The following INPP5D variants were observed in gnomAD, a reference collection of about 807,000 sequenced individuals.
The protein encoded by INPP5D is phosphatidylinositol 3,4,5-trisphosphate 5-phosphatase 1.
Under a neutral mutation model 122.9 loss-of-function variants are expected in INPP5D, and 33 were observed. The ratio of observed to expected loss-of-function variants is 0.27; its 90% CI spans 0.20 to 0.36. The LOEUF (loss-of-function observed/expected upper bound fraction) is 0.36. Among genes scored for constraint, INPP5D ranks in the 10% least tolerant of loss-of-function variants. The probability of loss-of-function intolerance (pLI) is 1.00; values close to 1 mark genes in which losing one functional copy is unlikely to be tolerated. For missense variants in INPP5D, 1,053 were observed against 1,412.7 expected, an observed-to-expected ratio of 0.75 and a Z score of 4.08; for synonymous variants, 584 against 576.2, an observed-to-expected ratio of 1.01 and a Z score of -0.19.
chr2:233,130,107 C>T (rs890036885), intron 4 of INPP5D, among the ~76,000 whole-genome samples: 1 of 152,202 alleles, frequency 6.6e-6, no homozygotes, highest in Non-Finnish European at 1.5e-5. Context: ...TCCCCCCAGG[C>T]TGTTCTTGAA....
chr2:233,180,017 C>T (rs1280892835), intron 18 of INPP5D, among the ~76,000 whole-genome samples: 5 of 152,114 alleles, frequency 3.3e-5, no homozygotes, highest in Non-Finnish European at 7.4e-5. Context: ...GATCTGGGGT[C>T]GGCTGGCTGT....
In INPP5D at chr2:233,130,513, C is replaced by T. The variant is rs778985157; in HGVS notation, c.530C>T (p.Pro177Leu). Residue 177 changes from proline to leucine, a missense_variant, in exon 5 of 27, where the codon CCA becomes CTA. Pro to Leu is a moderately conservative substitution (Grantham distance 98). This residue lies in a region of INPP5D where 196 missense variants were observed against 175.6 expected (regional missense o/e 1.12). Coordinates refer to ENST00000445964, the MANE Select transcript of INPP5D (RefSeq NM_001017915.3). ...RLQSMDTSGLPEEHLKAIQDY... is the reference protein window; with the variant it reads ...RLQSMDTSGLLEEHLKAIQDY... ...TTCTTTTTTCTTTTCTTTAGGCTTCCAGAAGAGCATCTTAAGGCCATCCAA... is the reference window on the plus strand; with the variant it reads ...TTCTTTTTTCTTTTCTTTAGGCTTCTAGAAGAGCATCTTAAGGCCATCCAA... 7.4e-6 allele frequency: 12 copies of T among 1,613,422 alleles called. No homozygotes were observed. The highest frequency in any genetic ancestry group is 2.2e-5 in the South Asian group (2 of 90,966).
intron 9 of INPP5D, among the ~76,000 whole-genome samples, chr2:233,151,203 T>A (rs564723997): frequency 6.6e-6 from 1 of 152,108 alleles, no homozygotes; most frequent in South Asian, 2.1e-4. Context: ...ATGGGTGCAG[T>A]GGTACGCACC....
At chr2:233,073,927 T>A (rs1306081052) in intron 1 of INPP5D, among the ~76,000 whole-genome samples, 2 of 152,146 alleles carry the variant, frequency 1.3e-5, no homozygotes, top group Non-Finnish European at 2.9e-5. Flanking sequence ...TCACAATCAA[T>A]CCCTCCAATT....
chr2:233,169,480 G>A, intron 14 of INPP5D, 79 bp downstream of exon 14: 1 of 1,539,240 alleles, frequency 6.5e-7, no homozygotes, highest in East Asian at 2.5e-5. Context: ...AGCACCAGAA[G>A]GACCTGCTCA....
At position 233,129,930 on chromosome 2, in the gene INPP5D, C is replaced by G. The variant is rs562743698; in HGVS notation, c.525-578C>G. Among the ~76,000 whole-genome samples, 42 of 151,830 alleles carry G rather than the reference C, an allele frequency of 2.8e-4. 1 individual carries two copies. The highest frequency in any genetic ancestry group is 9.9e-4 in the African/African-American group (41 of 41,426). On this transcript the variant is annotated intron_variant, in intron 4 of 26. Coordinates refer to ENST00000445964, the MANE Select transcript of INPP5D (RefSeq NM_001017915.3). Reference sequence around the variant, plus strand: ...TGTGTGTGTGTGTGAGAGACAGTGTCTCACTCTGTCACTCAGGCTGGAGTG... The same window carrying G: ...TGTGTGTGTGTGTGAGAGACAGTGTGTCACTCTGTCACTCAGGCTGGAGTG...
intron 6 of INPP5D, among the ~76,000 whole-genome samples, chr2:233,144,848 C>A (rs1693717631): frequency 6.6e-6 from 1 of 151,870 alleles, no homozygotes; most frequent in Admixed American, 6.6e-5. Context: ...TTGATCATGN[C>A]AGTGCCATTG....
At chr2:233,099,568 T>G (rs997758243) in intron 2 of INPP5D, among the ~76,000 whole-genome samples, 1 of 152,276 alleles carries the variant, frequency 6.6e-6, no homozygotes, top group Non-Finnish European at 1.5e-5. Context: ...AAATGCTTTA[T>G]GGAAACCTAT....
At chr2:233,099,968 C>G (rs1400843511) in intron 2 of INPP5D, among the ~76,000 whole-genome samples, 1 of 152,190 alleles carries the variant, frequency 6.6e-6, no homozygotes, top group Non-Finnish European at 1.5e-5. Flanking sequence ...CTTGTGCAGT[C>G]AAACTCCCAT....
chr2:233,157,479 T>C (rs1694085182), intron 9 of INPP5D, among the ~76,000 whole-genome samples: 1 of 151,968 alleles, frequency 6.6e-6, no homozygotes, highest in South Asian at 2.1e-4. Flanking sequence ...TAACACAAAG[T>C]TGTCTAGAAA....
chr2:233,185,108 G>C (rs578041248), intron 20 of INPP5D, among the ~76,000 whole-genome samples: 2 of 152,186 alleles, frequency 1.3e-5, no homozygotes, highest in Non-Finnish European at 2.9e-5. Flanking sequence ...TTCATGGCTA[G>C]GGAAGAGCTG....
At chr2:233,102,829 G>A (rs747700023) in intron 2 of INPP5D, among the ~76,000 whole-genome samples, 2 of 134,756 alleles carry the variant, frequency 1.5e-5, no homozygotes, top group African/African-American at 2.9e-5. Context: ...CAGCCTGGGC[G>A]ACAGAGCAAG....
At chr2:233,104,133 C>T (rs996170772) in intron 2 of INPP5D, among the ~76,000 whole-genome samples, 3 of 149,744 alleles carry the variant, frequency 2.0e-5, no homozygotes, top group African/African-American at 7.4e-5. Context: ...GCCTCAGCCT[C>T]TCAAGTAGCT....
intron 9 of INPP5D, among the ~76,000 whole-genome samples, chr2:233,156,992 A>G (rs1049366563): frequency 7.9e-5 from 12 of 152,206 alleles, no homozygotes; most frequent in Non-Finnish European, 1.6e-4. Context: ...AATCAGAATG[A>G]CATTGTTTCT....
At chr2:233,127,483 C>G (rs187605162) in intron 4 of INPP5D, among the ~76,000 whole-genome samples, 3 of 152,360 alleles carry the variant, frequency 2.0e-5, no homozygotes, top group Non-Finnish European at 4.4e-5. Context: ...ACAACTTGCA[C>G]AGTCTTTCCT....
At position 233,177,556 on chromosome 2, in the gene INPP5D, T is replaced by C. The variant is rs1694671016; in HGVS notation, c.2071+210T>C. Among the ~76,000 whole-genome samples, 2 of 152,192 alleles carry C rather than the reference T, an allele frequency of 1.3e-5. No homozygotes were observed. On this transcript the variant is annotated intron_variant, in intron 18 of 26. Transcript: ENST00000445964. This position sits in a 1 kb window ranked among gnomAD's most constrained non-coding sequence, Gnocchi z 4.2. ...TCCATATCCCCTGCTTTAGGAGACA[T>C]TTGAATTATAGAGCACTTTTTTTCT...
At chr2:233,129,884 TTG>T (rs140392015) in intron 4 of INPP5D, among the ~76,000 whole-genome samples, 6,672 of 149,774 alleles carry the variant, frequency 0.045, 267 homozygotes, top group South Asian at 0.16. Context: ...TGGCCTCCTT[TTG>T]TGTGTGTGTG....
At chr2:233,093,829 G>A (rs1335654009) in intron 2 of INPP5D, among the ~76,000 whole-genome samples, 2 of 152,182 alleles carry the variant, frequency 1.3e-5, no homozygotes, top group East Asian at 3.8e-4. Flanking sequence ...GTCCAGAGCT[G>A]GTCCCACCAC....
intron 2 of INPP5D, among the ~76,000 whole-genome samples, chr2:233,103,863 T>G (rs1220808630): frequency 7.1e-6 from 1 of 140,912 alleles, no homozygotes; most frequent in Admixed American, 7.1e-5. Context: ...TGTACCACCA[T>G]GCCTGGCTTA....
Sources: allele counts gnomAD v4.1 joint callset (sites outside exome capture counted in the v4.1 genomes callset), GRCh38; gene constraint gnomAD v4.1.1; regional missense constraint gnomAD v4.1.1; non-coding constraint Gnocchi (gnomAD v3.1); transcripts MANE v1.5; gene names NCBI Gene and HGNC (gene_info 2026-07-23, HGNC 2026-07-21).